CDKL5: variants seen among roughly 807,000 people sequenced by gnomAD.
CDKL5 encodes cyclin dependent kinase like 5, also known as cyclin-dependent kinase-like 5.
Under a neutral mutation model 61.7 loss-of-function variants are expected in CDKL5, and 8 were observed. The observed-to-expected ratio is 0.13, with a 90% CI of 0.08 to 0.23. The LOEUF is 0.23. CDKL5 is among the 10% of genes least tolerant of loss of function. The pLI, the probability that CDKL5 is intolerant of heterozygous loss-of-function variation, is 1.00. For missense variants in CDKL5, 440 were observed against 734.5 expected (o/e 0.60, Z 4.63); for synonymous variants, 275 against 272.3 (o/e 1.01, Z -0.10).
chrX:18,507,751 A>T (rs1602230928), intron 2 of CDKL5, among the ~76,000 whole-genome samples: 1 of 111,044 alleles, frequency 9.0e-6, no homozygotes, highest in East Asian at 2.8e-4. Flanking sequence ...TTCAGTAGAG[A>T]CTGGGTTTCA....
At chrX:18,555,372 T>C (rs2147125595) in intron 3 of CDKL5, among the ~76,000 whole-genome samples, 1 of 112,491 alleles carries the variant, frequency 8.9e-6, no homozygotes, top group Admixed American at 9.4e-5. Context: ...CAATAGCATA[T>C]GCTAGTTACA....
chrX:18,645,426 C>A (rs1927733810), intron 19 of CDKL5, among the ~76,000 whole-genome samples: 1 of 110,371 alleles, frequency 9.1e-6, no homozygotes, highest in Non-Finnish European at 1.9e-5. Flanking sequence ...CAATGTGAGC[C>A]CCTAAGTGCC....
intron 1 of CDKL5, among the ~76,000 whole-genome samples, chrX:18,429,292 G>A (rs1931431083): frequency 9.0e-6 from 1 of 111,682 alleles, no homozygotes; most frequent in Non-Finnish European, 1.9e-5. Context: ...GAAACATTGG[G>A]GTTTGAGACA....
At chrX:18,561,765 T>C (rs1296409303) in intron 3 of CDKL5, among the ~76,000 whole-genome samples, 1 of 110,956 alleles carries the variant, frequency 9.0e-6, no homozygotes, top group Non-Finnish European at 1.9e-5. Context: ...TGTTTAGAAA[T>C]TATATTAAAT....
At chrX:18,501,159 C>T (rs1922367445) in intron 1 of CDKL5, among the ~76,000 whole-genome samples, 1 of 109,632 alleles carries the variant, frequency 9.1e-6, no homozygotes, top group African/African-American at 3.3e-5. Context: ...ATTCTGATTC[C>T]CAGTTTTTTT....
Position 18,632,482 on chromosome X carries a change from CTTTG to C in CDKL5, c.*3729_*3732del, listed in dbSNP as rs1839055712. 1 of 752,974 alleles carries C rather than the reference CTTTG, an allele frequency of 1.3e-6. No individual in the cohort carries two copies. 62.1% of individuals were successfully genotyped at this position (752,974 alleles called of 1,213,427 possible). On this transcript the variant is annotated 3_prime_UTR_variant, in exon 18 of 18. Coordinates refer to ENST00000623535, the MANE Select transcript of CDKL5 (RefSeq NM_001323289.2). ...AGCTGTGTCTCCCGAAAGAAAATGT[CTTTG>C]TTTTTTATTCAAGTCATTTAATAGC...
chrX:18,501,530 TG>T lies in CDKL5; in HGVS notation c.-162-5404del, dbSNP rs1423179556. 2.1e-4 allele frequency among the ~76,000 whole-genome samples: 23 copies of T among 110,758 alleles called. 1 individual carries two copies. Among genetic ancestry groups the T allele is most frequent in the African/African-American group, 5.6e-4 (17 of 30,483 alleles). ...TGCCACAAAGAATAGTGAGACCAAA[TG>T]TTTTTTTTAAAAAATTTTTATTTTT... On this transcript the variant is annotated intron_variant, in intron 1 of 17. Transcript: ENST00000623535.
intron 1 of CDKL5, among the ~76,000 whole-genome samples, chrX:18,505,923 A>G (rs1220024812): frequency 8.8e-6 from 1 of 113,141 alleles, no homozygotes; most frequent in Non-Finnish European, 1.9e-5. Context: ...AATTATTACC[A>G]GAGTGATTGC....
At chrX:18,571,468 C>T (rs753892579) in intron 4 of CDKL5, among the ~76,000 whole-genome samples, 2 of 111,403 alleles carry the variant, frequency 1.8e-5, no homozygotes, top group African/African-American at 3.3e-5. Flanking sequence ...AAAGAATCCA[C>T]GGGGATTATT....
intron 3 of CDKL5, among the ~76,000 whole-genome samples, chrX:18,523,091 C>T (rs1021385691): frequency 9.0e-6 from 1 of 111,474 alleles, no homozygotes; most frequent in Non-Finnish European, 1.9e-5. Flanking sequence ...CCACCACACC[C>T]GGCCCCAGTT....
intron 3 of CDKL5, among the ~76,000 whole-genome samples, chrX:18,559,637 T>A (rs1490543384): frequency 7.3e-5 from 8 of 109,244 alleles, no homozygotes; most frequent in African/African-American, 2.7e-4. Flanking sequence ...TTTTTTTCTT[T>A]TTATTATTAT....
At chrX:18,447,440 C>T (rs1450941085) in intron 1 of CDKL5, among the ~76,000 whole-genome samples, 2 of 111,975 alleles carry the variant, frequency 1.8e-5, no homozygotes, top group African/African-American at 6.5e-5. Flanking sequence ...GTCTCTCATT[C>T]ACTCTTCAAA....
intron 1 of CDKL5, among the ~76,000 whole-genome samples, chrX:18,491,444 A>ACT (rs1921992614): frequency 9.0e-6 from 1 of 111,626 alleles, no homozygotes; most frequent in Non-Finnish European, 1.9e-5. Context: ...GGTTTCAGAA[A>ACT]ATCTCTCATG....
intron 1 of CDKL5, among the ~76,000 whole-genome samples, chrX:18,493,108 C>T (rs186490727): frequency 1.8e-5 from 2 of 111,704 alleles, no homozygotes; most frequent in Non-Finnish European, 3.8e-5. Flanking sequence ...CCCCCTTCTT[C>T]CATGAGTTTA....
chrX:18,474,773 G>A (rs1921241430), intron 1 of CDKL5, among the ~76,000 whole-genome samples: 1 of 111,573 alleles, frequency 9.0e-6, no homozygotes, highest in Non-Finnish European at 1.9e-5. Flanking sequence ...ATAATTCAGA[G>A]ATTTGGTATT....
At chrX:18,430,567 C>T (rs1340590058) in intron 1 of CDKL5, among the ~76,000 whole-genome samples, 1 of 111,416 alleles carries the variant, frequency 9.0e-6, no homozygotes, top group Non-Finnish European at 1.9e-5. Flanking sequence ...CCTCAACCTC[C>T]CAAGTAGCTG....
downstream of CDKL5, among the ~76,000 whole-genome samples, chrX:18,642,409 T>A (rs1201479133): frequency 8.9e-6 from 1 of 111,781 alleles, no homozygotes; most frequent in Non-Finnish European, 1.9e-5. Flanking sequence ...TTAATTAAAA[T>A]TAGATAAAAA....
intron 1 of CDKL5, among the ~76,000 whole-genome samples, chrX:18,446,595 A>C (rs1931884353): frequency 9.0e-6 from 1 of 111,524 alleles, no homozygotes; most frequent in Non-Finnish European, 1.9e-5. Context: ...GTTCTTTGGG[A>C]CTGTAATCAA....
chrX:18,563,887 A>G lies in CDKL5; in HGVS notation c.100-590A>G, dbSNP rs150251788. Among the ~76,000 whole-genome samples, 752 of 111,946 alleles carry G rather than the reference A, an allele frequency of 6.7e-3. 8 individuals are homozygous for G. The highest frequency in any genetic ancestry group is 0.023 in the African/African-American group (702 of 30,829). On this transcript the variant is annotated intron_variant, in intron 3 of 17. Transcript: ENST00000623535. ...ACCAAAAACAACAAAAAAGATTTTC[A>G]TATTTTCTTTTAAAGCAGAATTCTG...
Sources: gnomAD v4.1 joint callset for allele counts (sites outside exome capture counted in the v4.1 genomes callset) on GRCh38, gnomAD v4.1.1 for gene constraint, MANE v1.5 for transcripts, NCBI Gene and HGNC (gene_info 2026-07-23, HGNC 2026-07-21) for gene names.